EYA3: variants seen among roughly 807,000 people sequenced by gnomAD.
EYA3 encodes protein phosphatase EYA3.
A neutral mutation model predicts 80.0 loss-of-function variants in EYA3; 39 were observed. The observed-to-expected ratio is 0.49, with a 90% CI of 0.38 to 0.64. The LOEUF (loss-of-function observed/expected upper bound fraction) is 0.64. EYA3 is among the 30% of genes least tolerant of loss of function. The pLI, the probability that EYA3 is intolerant of heterozygous loss-of-function variation, is 0.00. For synonymous variants in EYA3, 206 were observed against 232.8 expected (o/e 0.88, Z 1.05); for missense variants, 523 against 676.1 (o/e 0.77, Z 2.51).
chr1:28,050,400 C>T (rs2148882585), intron 2 of EYA3, among the ~76,000 whole-genome samples: 1 of 152,004 alleles, frequency 6.6e-6, no homozygotes, highest in Non-Finnish European at 1.5e-5. Context: ...CCGGGTTTCA[C>T]CACATTGGCC....
At chr1:28,084,093 A>G (rs2148961639) in intron 1 of EYA3, among the ~76,000 whole-genome samples, 1 of 152,290 alleles carries the variant, frequency 6.6e-6, no homozygotes, top group Admixed American at 6.5e-5. Context: ...TGATCTGTTA[A>G]CTTATTTACA....
chr1:28,077,690 T>A lies in EYA3; in HGVS notation c.-69+10834A>T, dbSNP rs115559110. ...TAAGAATATGATAAAAGAAATTTTT[T>A]AAAAAATCTGTTTGAAGATCCAGAC... On this transcript the variant is annotated intron_variant, in intron 1 of 17. Coordinates refer to ENST00000373871, the MANE Select transcript of EYA3 (RefSeq NM_001990.4). Among the ~76,000 whole-genome samples the A allele has an allele frequency of 5.2e-3, 792 of 152,294 alleles. 6 individuals are homozygous for A. The highest frequency in any genetic ancestry group is 0.033 in the South Asian group (158 of 4,826).
intron 16 of EYA3, among the ~76,000 whole-genome samples, chr1:27,987,889 T>C (rs1284034956): frequency 2.0e-5 from 3 of 152,160 alleles, no homozygotes; most frequent in Non-Finnish European, 2.9e-5. Flanking sequence ...ATTTAAGACA[T>C]AGGGTCTCAT....
rs772256449 is a variant in EYA3, at chr1:27,974,563, A to G, written c.1642-17T>C. On this transcript the variant is annotated splice_polypyrimidine_tract_variant and intron_variant, in intron 17 of 17. Coordinates refer to ENST00000373871, the MANE Select transcript of EYA3 (RefSeq NM_001990.4). ...CATGTTGTGCTGGAAGAGAGTGGGA[A>G]TAGCTGGTTAATCCAACTTCTTCTG... is the stretch of plus-strand genomic sequence containing the variant. 6.2e-7 allele frequency: 1 copy of G among 1,606,354 alleles called. No homozygotes were observed. Among genetic ancestry groups the G allele is most frequent in the Non-Finnish European group, 8.5e-7 (1 of 1,174,098 alleles).
chr1:28,046,760 G>A (rs1030142371), intron 3 of EYA3, among the ~76,000 whole-genome samples: 53 of 152,094 alleles, frequency 3.5e-4, no homozygotes, highest in African/African-American at 1.2e-3. Context: ...TGCTAGGCAA[G>A]TATGACAGAA....
chr1:27,974,467 T>TA lies in EYA3; in HGVS notation c.1720dup (p.Ter574LeufsTer109). The TA allele has an allele frequency of 1.2e-6, 2 of 1,612,184 alleles. No individual in the cohort carries two copies. The highest frequency in any genetic ancestry group is 1.7e-6 in the Non-Finnish European group (2 of 1,178,572). ...GGGGAAGGCTCCTCATTCCAGTTCT[T>TA]AGAGAAAATCAAGCTCTAAAGCCTG... On this transcript the variant is annotated frameshift_variant and stop_lost, in exon 18 of 18. Coordinates refer to ENST00000373871, the MANE Select transcript of EYA3 (RefSeq NM_001990.4). LOFTEE classifies it high-confidence loss of function.
chr1:27,996,026 C>G lies in EYA3; in HGVS notation c.1142+1294G>C, dbSNP rs139466679. 9.2e-3 allele frequency among the ~76,000 whole-genome samples: 1,398 copies of G among 152,234 alleles called. 10 individuals are homozygous for G. Among genetic ancestry groups the G allele is most frequent in the African/African-American group, 0.017 (698 of 41,526 alleles). ...TAGCTGGGACTACAGGCGCATGCCA[C>G]CACGCCTGGCTAATTTTTGTATTTT... On this transcript the variant is annotated intron_variant, in intron 13 of 17. Transcript: ENST00000373871.
At chr1:28,007,840 G>A (rs1269907535) in intron 10 of EYA3, among the ~76,000 whole-genome samples, 1 of 151,914 alleles carries the variant, frequency 6.6e-6, no homozygotes, top group Non-Finnish European at 1.5e-5. Flanking sequence ...CAAATTCAAC[G>A]CAATCCCTAT....
chr1:27,993,883 A>G (rs1640242224), intron 13 of EYA3, among the ~76,000 whole-genome samples: 2 of 152,190 alleles, frequency 1.3e-5, no homozygotes, highest in Admixed American at 6.5e-5. Flanking sequence ...AAAGCAGAAT[A>G]TAAAATTTTG....
intron 10 of EYA3, 43 bp from the exon 11 acceptor site, chr1:28,004,462 C>T (rs1641127492): frequency 2.1e-6 from 3 of 1,414,792 alleles, no homozygotes; most frequent in Non-Finnish European, 3.0e-6. Flanking sequence ...TTTCCAATTA[C>T]AATGGAATGA....
intron 10 of EYA3, among the ~76,000 whole-genome samples, chr1:28,008,192 A>C (rs1473296753): frequency 6.6e-6 from 1 of 152,182 alleles, no homozygotes; most frequent in Non-Finnish European, 1.5e-5. Flanking sequence ...ACCATTCAAT[A>C]AGGAACGTCT....
chr1:28,075,542 G>T (rs1042338409), intron 1 of EYA3, among the ~76,000 whole-genome samples: 2 of 152,146 alleles, frequency 1.3e-5, no homozygotes, highest in African/African-American at 4.8e-5. Flanking sequence ...CTCTAAACTC[G>T]ATCTATCCCT....
chr1:28,050,005 A>C (rs1206893550), intron 2 of EYA3, among the ~76,000 whole-genome samples: 1 of 151,970 alleles, frequency 6.6e-6, no homozygotes, highest in East Asian at 1.9e-4. Flanking sequence ...AACAGTCTAT[A>C]CTCTTCAAAC....
At chr1:27,982,133 A>T (rs1639346690) in intron 16 of EYA3, among the ~76,000 whole-genome samples, 1 of 151,712 alleles carries the variant, frequency 6.6e-6, no homozygotes, top group Non-Finnish European at 1.5e-5. Flanking sequence ...CAGCCTCCTA[A>T]GTAGCCAGGA....
At position 27,972,074 on chromosome 1, in the gene EYA3, A is replaced by G. The variant is rs1396237255; in HGVS notation, c.*2392T>C. The G allele has an allele frequency of 6.6e-6, 1 of 152,248 alleles. No individual in the cohort carries two copies. The highest frequency in any genetic ancestry group is 1.5e-5 in the Non-Finnish European group (1 of 68,050). 9.4% of individuals were successfully genotyped at this position (152,248 alleles called of 1,614,324 possible). A position where few individuals can be genotyped will look rare whatever the true frequency, so the allele number is the denominator to read the frequency against. The stretch of plus-strand genomic sequence containing the variant: ...TTACATTCTAAAATAAAGAGCTCCC[A>G]AAAGGGTGGAGAGGGAAGTATCTGT... On this transcript the variant is annotated 3_prime_UTR_variant, in exon 18 of 18. Transcript: ENST00000373871.
chr1:28,044,657 T>TA (rs1404912210), intron 3 of EYA3, among the ~76,000 whole-genome samples: 1 of 152,214 alleles, frequency 6.6e-6, no homozygotes, highest in African/African-American at 2.4e-5. Context: ...GTTGCTTATA[T>TA]AAAAAATATA....
chr1:27,974,369 G>C lies in EYA3; in HGVS notation c.*97C>G. 2 of 823,274 alleles carry C rather than the reference G, an allele frequency of 2.4e-6. No homozygotes were observed. Among genetic ancestry groups the C allele is most frequent in the East Asian group, 2.5e-5 (1 of 39,958 alleles). The allele number at this position is 823,274 out of a possible 1,614,324, so 51.0% of individuals were successfully genotyped here. A position where few individuals can be genotyped will look rare whatever the true frequency, so the allele number is the denominator to read the frequency against. ...AGAGAGAGATAGAGACAGAGACACA[G>C]AGAGAGACAGACAGAGAAAGTTCTC... On this transcript the variant is annotated 3_prime_UTR_variant, in exon 18 of 18. Coordinates refer to ENST00000373871, the MANE Select transcript of EYA3 (RefSeq NM_001990.4).
intron 16 of EYA3, among the ~76,000 whole-genome samples, chr1:27,982,862 G>A (rs1049733162): frequency 5.3e-5 from 8 of 152,126 alleles, no homozygotes; most frequent in Non-Finnish European, 1.0e-4. Context: ...ACCGCGCTTG[G>A]CCTATTGTTT....
rs566622152 is a variant in EYA3, at chr1:28,010,680, T to A, written c.909+267A>T. 2.8e-4 allele frequency: 96 copies of A among 342,820 alleles called. 2 individuals carry two copies. The highest frequency in any genetic ancestry group is 1.4e-3 in the Admixed American group (30 of 21,932). The allele number at this position is 342,820 out of a possible 1,614,324, so 21.2% of individuals were successfully genotyped here. A position where few individuals can be genotyped will look rare whatever the true frequency, so the allele number is the denominator to read the frequency against. On this transcript the variant is annotated intron_variant, in intron 10 of 17. Coordinates refer to ENST00000373871, the MANE Select transcript of EYA3 (RefSeq NM_001990.4). ...GCCACCGCACCTGACCCTTTTAAAA[T>A]TTTAAATAGAGAACAGTATGACTTT...
Sources: allele counts gnomAD v4.1 joint callset (sites outside exome capture counted in the v4.1 genomes callset), GRCh38; gene constraint gnomAD v4.1.1; transcripts MANE v1.5; gene names NCBI Gene and HGNC (gene_info 2026-07-23, HGNC 2026-07-21).